Variants in SEMA5A observed in about 807,000 individuals in gnomAD.
SEMA5A encodes the protein semaphorin-5A.
Under a neutral mutation model 135.5 loss-of-function variants are expected in SEMA5A, and 55 were observed. The ratio of observed to expected loss-of-function variants is 0.41; its 90% CI spans 0.33 to 0.51. SEMA5A has a LOEUF of 0.51. Ranked by LOEUF, SEMA5A falls within the 20% of genes least tolerant of loss-of-function variation. The probability of loss-of-function intolerance (pLI) is 0.37; values close to 1 mark genes in which losing one functional copy is unlikely to be tolerated. For missense variants in SEMA5A, 1,290 were observed against 1,419.9 expected, an observed-to-expected ratio of 0.91 and a Z score of 1.47; for synonymous variants, 580 against 546.5, an observed-to-expected ratio of 1.06 and a Z score of -0.85.
In SEMA5A at chr5:9,389,334, T is replaced by C. The variant is rs373925791; in HGVS notation, c.-77-9311A>G. Among the ~76,000 whole-genome samples, 35 of 152,290 alleles carry C rather than the reference T, an allele frequency of 2.3e-4. No individual in the cohort carries two copies. The South Asian group carries it at 6.8e-3, about 30-fold the overall frequency. On this transcript the variant is annotated intron_variant, in intron 2 of 22. Transcript: ENST00000382496. ...GTGATTTCACATGGTCTCTAAAAAC[T>C]GGTGACTCTCAAATCTAGATCCTCT...
At chr5:9,055,700 C>T (rs2065815245) in intron 18 of SEMA5A, among the ~76,000 whole-genome samples, 1 of 152,008 alleles carries the variant, frequency 6.6e-6, no homozygotes, top group Admixed American at 6.6e-5. Context: ...AATAAGTTTG[C>T]AATCTAACTG....
intron 5 of SEMA5A, among the ~76,000 whole-genome samples, chr5:9,244,161 C>T (rs1316610008): frequency 6.6e-6 from 1 of 152,196 alleles, no homozygotes; most frequent in Non-Finnish European, 1.5e-5. Context: ...AATTAAACAT[C>T]TTCTGTATAA....
At chr5:9,257,875 G>T (rs114374004) in intron 5 of SEMA5A, among the ~76,000 whole-genome samples, 1,913 of 152,250 alleles carry the variant, frequency 0.013, 42 homozygotes, top group African/African-American at 0.043. Flanking sequence ...CCCCTAGACA[G>T]CTCTGTACCC....
chr5:9,485,152 A>G (rs927423585), intron 1 of SEMA5A, among the ~76,000 whole-genome samples: 1 of 152,088 alleles, frequency 6.6e-6, no homozygotes, highest in Non-Finnish European at 1.5e-5. Flanking sequence ...CCCAGGGGAA[A>G]CATGTGTGGA....
intron 16 of SEMA5A, among the ~76,000 whole-genome samples, chr5:9,098,669 C>G (rs1739460841): frequency 6.6e-6 from 1 of 152,172 alleles, no homozygotes; most frequent in Non-Finnish European, 1.5e-5. Context: ...ATGCCTTTAA[C>G]AGAATCTGTT....
rs553579521 is a variant in SEMA5A at position 9,080,886 on chromosome 5, CCCA to C, written c.2074-14243_2074-14241del. Among the ~76,000 whole-genome samples, 19 of 152,330 alleles carry C rather than the reference CCCA, an allele frequency of 1.2e-4. No homozygotes were observed. In the East Asian group the frequency reaches 3.7e-3, roughly 29 times the overall value. On this transcript the variant is annotated intron_variant, in intron 16 of 22. Transcript: ENST00000382496. ...GAGAATTCTAAGAAACCCCGAGATT[CCCA>C]CCACCTGGGTGTCATGCTCTGCATA...
intron 5 of SEMA5A, among the ~76,000 whole-genome samples, chr5:9,269,494 G>A (rs1167756192): frequency 1.3e-5 from 2 of 152,126 alleles, no homozygotes; most frequent in African/African-American, 4.8e-5. Context: ...ACCTGTCTAA[G>A]TTAGCGTACT....
intron 1 of SEMA5A, among the ~76,000 whole-genome samples, chr5:9,506,525 A>G (rs968870084): frequency 7.9e-5 from 12 of 152,316 alleles, no homozygotes; most frequent in African/African-American, 2.6e-4. Context: ...TTAATGAACA[A>G]CGAAATATGG....
intron 11 of SEMA5A, among the ~76,000 whole-genome samples, chr5:9,179,841 G>A (rs1453222156): frequency 1.3e-5 from 2 of 152,150 alleles, no homozygotes; most frequent in Non-Finnish European, 2.9e-5. Context: ...AGTCTACCCA[G>A]GTATATTAGT....
At chr5:9,050,042 ACTGGTT>A (rs937182691) in intron 21 of SEMA5A, among the ~76,000 whole-genome samples, 2 of 152,174 alleles carry the variant, frequency 1.3e-5, no homozygotes, top group African/African-American at 4.8e-5. Context: ...TACCGAGACC[ACTGGTT>A]CATAAAGCTT....
intron 13 of SEMA5A, among the ~76,000 whole-genome samples, chr5:9,124,172 A>G (rs1470595870): frequency 1.3e-5 from 2 of 152,002 alleles, no homozygotes; most frequent in Non-Finnish European, 2.9e-5. Flanking sequence ...GAGCCCCCTG[A>G]GCTTGCTGGT....
intron 12 of SEMA5A, among the ~76,000 whole-genome samples, chr5:9,137,760 C>CGTAA (rs1373728906): frequency 2.0e-5 from 3 of 152,022 alleles, no homozygotes; most frequent in Non-Finnish European, 4.4e-5. Context: ...AGGGAGGTAG[C>CGTAA]GTAAGTAAGT....
chr5:9,136,776 T>TCTG (rs943393172), intron 12 of SEMA5A, among the ~76,000 whole-genome samples, 155 bp from the exon 13 acceptor site: 1 of 152,216 alleles, frequency 6.6e-6, no homozygotes, highest in Non-Finnish European at 1.5e-5. Context: ...AGCACAGCTA[T>TCTG]CTGCACACTC....
intron 1 of SEMA5A, among the ~76,000 whole-genome samples, chr5:9,449,004 G>A (rs1758536106): frequency 2.0e-5 from 3 of 152,190 alleles, no homozygotes; most frequent in African/African-American, 7.2e-5. Context: ...TTGGAAGACA[G>A]GTGGCGATTC....
At chr5:9,244,501 G>A (rs1354334961) in intron 5 of SEMA5A, among the ~76,000 whole-genome samples, 1 of 152,164 alleles carries the variant, frequency 6.6e-6, no homozygotes, top group African/African-American at 2.4e-5. Context: ...CTTTGTTCAA[G>A]TGTGAGCTCC....
chr5:9,157,784 T>C (rs967298700), intron 11 of SEMA5A, among the ~76,000 whole-genome samples: 13 of 152,174 alleles, frequency 8.5e-5, no homozygotes, highest in Non-Finnish European at 1.6e-4. Flanking sequence ...CAAATGACAA[T>C]GTTATTTTCT....
intron 5 of SEMA5A, among the ~76,000 whole-genome samples, chr5:9,242,999 A>G (rs1284450224): frequency 6.6e-6 from 1 of 152,208 alleles, no homozygotes; most frequent in East Asian, 1.9e-4. Context: ...ACACCACATT[A>G]AACTTACATT....
intron 3 of SEMA5A, among the ~76,000 whole-genome samples, chr5:9,378,638 C>T (rs1755466736): frequency 6.6e-6 from 1 of 152,180 alleles, no homozygotes; most frequent in South Asian, 2.1e-4. Context: ...GGACAAAGAA[C>T]TTGGTTTCTG....
chr5:9,413,825 A>T (rs923725010), intron 2 of SEMA5A, among the ~76,000 whole-genome samples: 2 of 152,196 alleles, frequency 1.3e-5, no homozygotes, highest in Non-Finnish European at 2.9e-5. Context: ...AATAATGTAC[A>T]TGTTTCTGAA....
Sources: gnomAD v4.1 joint callset for allele counts (sites outside exome capture counted in the v4.1 genomes callset) on GRCh38, gnomAD v4.1.1 for gene constraint, MANE v1.5 for transcripts, NCBI Gene and HGNC (gene_info 2026-07-23, HGNC 2026-07-21) for gene names.